The following HTR4 variants were observed in gnomAD, a reference collection of about 807,000 sequenced individuals.
HTR4 encodes 5-hydroxytryptamine receptor 4.
HTR4 carries 16 observed loss-of-function variants against 36.8 expected under a neutral mutation model. The ratio of observed to expected loss-of-function variants is 0.43; its 90% confidence interval spans 0.29 to 0.66. HTR4 has a LOEUF of 0.66. Ranked by LOEUF, HTR4 falls within the 30% of genes least tolerant of loss-of-function variation. The probability of loss-of-function intolerance (pLI) is 0.13; values close to 1 mark genes in which losing one functional copy is unlikely to be tolerated. For missense variants in HTR4, 438 were observed against 490.9 expected, an observed-to-expected ratio of 0.89 and a Z score of 1.02; for synonymous variants, 189 against 185.1, an observed-to-expected ratio of 1.02 and a Z score of -0.17.
chr5:148,627,343 T>C (rs35970860), intron 2 of HTR4, among the ~76,000 whole-genome samples: 9 of 94,824 alleles, frequency 9.5e-5, no homozygotes, highest in Admixed American at 8.9e-4. Flanking sequence ...AGTTTGTCGA[T>C]TTTTTTAACA....
Position 148,483,027 on chromosome 5 carries a change from C to G in HTR4, c.*176G>C. The G allele has an allele frequency of 6.9e-7, 1 of 1,453,160 alleles. No individual in the cohort carries two copies. Among genetic ancestry groups the G allele is most frequent in the Non-Finnish European group, 9.1e-7 (1 of 1,099,768 alleles). The allele number at this position is 1,453,160 out of a possible 1,614,324, so 90.0% of individuals were successfully genotyped here. On this transcript the variant is annotated 3_prime_UTR_variant, in exon 7 of 7. Transcript: ENST00000377888. ...AGGCCATTATGTCCCCTGACTCCCT[C>G]CAGCGCCACCTGCTGGAATCTCAGA...
At chr5:148,591,588 G>A (rs1761573896) in intron 2 of HTR4, among the ~76,000 whole-genome samples, 2 of 151,928 alleles carry the variant, frequency 1.3e-5, no homozygotes, top group Non-Finnish European at 2.9e-5. Context: ...TATTCTTTTT[G>A]TGGCAGTTGT....
intron 1 of HTR4, among the ~76,000 whole-genome samples, chr5:148,639,247 A>C (rs1172923491): frequency 6.6e-6 from 1 of 152,002 alleles, no homozygotes; most frequent in Non-Finnish European, 1.5e-5. Context: ...GCTTGCATAA[A>C]ATTCTAGTGG....
intron 6 of HTR4, chr5:148,490,734 A>T: frequency 7.9e-7 from 1 of 1,271,960 alleles, no homozygotes; most frequent in Non-Finnish European, 1.0e-6. Context: ...TAGTAAGGCA[A>T]TCCATTCCAT....
At chr5:148,600,152 A>C (rs993752909) in intron 2 of HTR4, among the ~76,000 whole-genome samples, 3 of 150,888 alleles carry the variant, frequency 2.0e-5, no homozygotes, top group Non-Finnish European at 4.4e-5. Flanking sequence ...AAATATTTTA[A>C]ATAAACTCAT....
chr5:148,532,767 C>G (rs1384626406), intron 4 of HTR4, among the ~76,000 whole-genome samples: 1 of 152,112 alleles, frequency 6.6e-6, no homozygotes, highest in African/African-American at 2.4e-5. Context: ...CAAAAATAAG[C>G]CTAAAAAGGC....
chr5:148,481,175 C>G (rs757101827), downstream of HTR4, among the ~76,000 whole-genome samples: 7 of 152,170 alleles, frequency 4.6e-5, no homozygotes, highest in Non-Finnish European at 8.8e-5. Flanking sequence ...GCTGGCTGCT[C>G]CCTTCTTCAT....
In HTR4 at chr5:148,579,756, C is replaced by G. The variant is rs527345871; in HGVS notation, c.27-29494G>C. On this transcript the variant is annotated intron_variant, in intron 2 of 6. Transcript: ENST00000377888. Reference sequence around the variant, plus strand: ...CAGCTGAGGTAACTTGCAGCTCCAGCAGCAGCCCACATTCCTTGACACATG... The same window carrying G: ...CAGCTGAGGTAACTTGCAGCTCCAGGAGCAGCCCACATTCCTTGACACATG... 2.0e-5 allele frequency among the ~76,000 whole-genome samples: 3 copies of G among 152,142 alleles called. No homozygotes were observed. In the South Asian group the frequency reaches 6.2e-4, roughly 32 times the overall value.
At chr5:148,458,422 A>G (rs1755178988) in intron 5 of HTR4, among the ~76,000 whole-genome samples, 1 of 152,068 alleles carries the variant, frequency 6.6e-6, no homozygotes, top group Non-Finnish European at 1.5e-5. Context: ...GAGTGGAGAC[A>G]CAGTCCCTGT....
intron 2 of HTR4, among the ~76,000 whole-genome samples, chr5:148,566,550 C>T (rs570174444): frequency 1.3e-5 from 2 of 152,218 alleles, no homozygotes; most frequent in South Asian, 4.2e-4. Flanking sequence ...AAGAGGTCCA[C>T]AAAATGTCTG....
At chr5:148,587,896 A>G (rs1251063800) in intron 2 of HTR4, among the ~76,000 whole-genome samples, 1 of 152,172 alleles carries the variant, frequency 6.6e-6, no homozygotes, top group African/African-American at 2.4e-5. Context: ...CTTTCAGCAG[A>G]TATCACAGTT....
At chr5:148,474,004 T>C (rs1240174619), downstream of HTR4, among the ~76,000 whole-genome samples, 3 of 151,716 alleles carry the variant, frequency 2.0e-5, no homozygotes, top group Admixed American at 6.6e-5. Context: ...GTCTTACAAG[T>C]TCAGTGTTTC....
intron 5 of HTR4, among the ~76,000 whole-genome samples, chr5:148,456,272 G>C (rs546892738): frequency 6.6e-6 from 1 of 152,198 alleles, no homozygotes; most frequent in Non-Finnish European, 1.5e-5. Flanking sequence ...AATAGGAGCA[G>C]ATCTGGGGTC....
chr5:148,507,510 A>G (rs1757282175), intron 6 of HTR4, among the ~76,000 whole-genome samples: 1 of 151,856 alleles, frequency 6.6e-6, no homozygotes, highest in East Asian at 1.9e-4. Context: ...GTACCCTAGA[A>G]CTTAAAGTAT....
rs1755894812 is a variant in HTR4, at chr5:148,481,704, T to A, written c.*1499A>T. The A allele has an allele frequency of 4.1e-6, 6 of 1,457,284 alleles. No homozygotes were observed. Among genetic ancestry groups the A allele is most frequent in the Non-Finnish European group, 5.4e-6 (6 of 1,117,290 alleles). The allele number at this position is 1,457,284 out of a possible 1,614,324, so 90.3% of individuals were successfully genotyped here. A position where few individuals can be genotyped will look rare whatever the true frequency, so the allele number is the denominator to read the frequency against. On this transcript the variant is annotated 3_prime_UTR_variant, in exon 7 of 7. Coordinates refer to ENST00000377888, the MANE Select transcript of HTR4 (RefSeq NM_000870.7). ...GAAAAAAAGAGAATATGATAAATAATCCTGAGATGCTATTAAACCACAGCC... is the reference window on the plus strand; with the variant it reads ...GAAAAAAAGAGAATATGATAAATAAACCTGAGATGCTATTAAACCACAGCC...
chr5:148,627,613 G>C (rs1235269616), intron 2 of HTR4, among the ~76,000 whole-genome samples: 2 of 152,174 alleles, frequency 1.3e-5, no homozygotes, highest in African/African-American at 4.8e-5. Context: ...ATTAAATGAA[G>C]TCATTACAAG....
chr5:148,509,417 C>T (rs1450749835), intron 6 of HTR4, 39 bp downstream of exon 6: 1 of 1,478,652 alleles, frequency 6.8e-7, no homozygotes, highest in Admixed American at 2.0e-5. Context: ...CTGAGTAATA[C>T]AAATCAACCA....
intron 2 of HTR4, among the ~76,000 whole-genome samples, chr5:148,621,023 A>T (rs142037650): frequency 1.3e-5 from 2 of 152,378 alleles, no homozygotes; most frequent in African/African-American, 4.8e-5. Context: ...GCATATTTGT[A>T]TGTGTCAGAA....
At chr5:148,577,493 T>C (rs1427006497) in intron 2 of HTR4, among the ~76,000 whole-genome samples, 1 of 152,088 alleles carries the variant, frequency 6.6e-6, no homozygotes, top group Admixed American at 6.6e-5. Flanking sequence ...ATATAAATCA[T>C]TCTACCATAA....
Sources: allele counts gnomAD v4.1 joint callset (sites outside exome capture counted in the v4.1 genomes callset), GRCh38; gene constraint gnomAD v4.1.1; transcripts MANE v1.5; gene names NCBI Gene and HGNC (gene_info 2026-07-23, HGNC 2026-07-21).